Variants in PER1 observed in about 807,000 individuals in gnomAD.
PER1 encodes the protein period circadian protein homolog 1.
Under a neutral mutation model 125.9 loss-of-function variants are expected in PER1, and 87 were observed. The observed-to-expected ratio is 0.69, with a 90% CI of 0.58 to 0.83. The LOEUF (loss-of-function observed/expected upper bound fraction) is 0.83. Among genes scored for constraint, PER1 ranks in the 40% least tolerant of loss-of-function variants. The probability of loss-of-function intolerance (pLI) is 0.00; values close to 1 mark genes in which losing one functional copy is unlikely to be tolerated. For missense variants in PER1, 1,775 were observed against 1,722.8 expected, an observed-to-expected ratio of 1.03 and a Z score of -0.54; for synonymous variants, 801 against 714.7, an observed-to-expected ratio of 1.12 and a Z score of -1.93.
At position 8,141,219 on chromosome 17, in the gene PER1, C is replaced by T. The variant is rs35275025; in HGVS notation, c.3722G>A (p.Ser1241Asn). The T allele has an allele frequency of 3.1e-6, 5 of 1,614,230 alleles. No individual in the cohort carries two copies. In the East Asian group the frequency reaches 1.1e-4, roughly 36 times the overall value. Residue 1241 changes from serine (S) to asparagine (N), a missense_variant, in exon 23 of 23, where the codon AGC (serine) becomes AAC (asparagine). Physicochemically the swap from Ser to Asn is conservative, Grantham distance 46. Coordinates refer to ENST00000317276, the MANE Select transcript of PER1 (RefSeq NM_002616.3). Reference sequence around the variant, plus strand: ...CTCTCCCTCACCACTGCCGCCACCGCTGCTGCCCTGCTCGCCTCCACCCTC... The same window carrying T: ...CTCTCCCTCACCACTGCCGCCACCGTTGCTGCCCTGCTCGCCTCCACCCTC... The part of the protein sequence containing the change: ...MEEGGGEQGS[S>N]GGGSGEGEGC...
chr17:8,149,785 G>A lies in PER1; in HGVS notation c.621C>T (p.His207=), dbSNP rs1277702871. Residue 207 remains histidine (H), a synonymous_variant, in exon 5 of 23, where the codon CAC becomes CAT. Transcript: ENST00000317276. ...TCTGAAGTGTGTACTCAGACGTGATGTGCTCCAGCTCCTCCAGGGTATAGG... is the reference window on the plus strand; with the variant it reads ...TCTGAAGTGTGTACTCAGACGTGATATGCTCCAGCTCCTCCAGGGTATAGG... The part of the protein sequence containing the change: ...MSTYTLEELE[H]ITSEYTLQNQ... 1 of 1,613,386 alleles carries A rather than the reference G, an allele frequency of 6.2e-7. No individual in the cohort carries two copies. The highest frequency in any genetic ancestry group is 8.5e-7 in the Non-Finnish European group (1 of 1,180,012).
intron 2 of PER1, 55 bp downstream of exon 2, chr17:8,150,377 A>G: frequency 6.4e-7 from 1 of 1,561,148 alleles, no homozygotes; most frequent in East Asian, 2.3e-5. Context: ...CCTGTCACCC[A>G]GCTCTGCCTG....
At chr17:8,149,913 GC>G in intron 4 of PER1, 37 bp from the exon 5 acceptor site, 1 of 1,614,010 alleles carries the variant, frequency 6.2e-7, no homozygotes. Context: ...CAGTAAGGAG[GC>G]TGCCTCAACA....
chr17:8,150,141 G>A lies in PER1; in HGVS notation c.375-16C>T. ...CTGTTCACTGCTGCGGGGCCCACAG[G>A]GAAGAAAGAGATAAAGACATTAGTC... On this transcript the variant is annotated splice_polypyrimidine_tract_variant and intron_variant, in intron 3 of 22. Transcript: ENST00000317276. 1.9e-6 allele frequency: 3 copies of A among 1,612,930 alleles called. No individual in the cohort carries two copies. The highest frequency in any genetic ancestry group is 2.5e-6 in the Non-Finnish European group (3 of 1,179,002).
At position 8,150,076 on chromosome 17, in the gene PER1, G is replaced by C; in HGVS notation, c.424C>G (p.Leu142Val). The C allele has an allele frequency of 6.2e-7, 1 of 1,614,232 alleles. No homozygotes were observed. Among genetic ancestry groups the C allele is most frequent in the East Asian group, 2.2e-5 (1 of 44,888 alleles). The change falls in exon 4 of 23, where the codon CTT (leucine) becomes GTT (valine). Residue 142 changes from leucine (L) to valine (V), a missense_variant. Coordinates refer to ENST00000317276, the MANE Select transcript of PER1 (RefSeq NM_002616.3). ...GGCAGTCGAAGCTTGAGCTCTCGAA[G>C]TGCTGTCATGAGTTCCTTCTGAGTC... ...ARTQKELMTA[L>V]RELKLRLPPE...
At chr17:8,148,887 G>A (rs1257066808) in intron 7 of PER1, 101 bp from the exon 8 acceptor site, 13 of 1,361,370 alleles carry the variant, frequency 9.5e-6, no homozygotes, top group Non-Finnish European at 1.3e-5. Flanking sequence ...CTGGGGAGGG[G>A]GCAGGAGGAG....
intron 18 of PER1, 52 bp downstream of exon 18, chr17:8,144,699 T>A: frequency 3.3e-6 from 5 of 1,538,220 alleles, no homozygotes; most frequent in Non-Finnish European, 3.5e-6. Flanking sequence ...CCCCCAACAA[T>A]CCAGTCCTAG....
chr17:8,143,849 C>A lies in PER1; in HGVS notation c.2489G>T (p.Ser830Ile), dbSNP rs2151859664. The A allele has an allele frequency of 6.2e-7, 1 of 1,610,082 alleles. No homozygotes were observed. Among genetic ancestry groups the A allele is most frequent in the Non-Finnish European group, 8.5e-7 (1 of 1,178,360 alleles). The change falls in exon 19 of 23, where the codon AGC becomes ATC. Residue 830 changes from serine (S) to isoleucine (I), a missense_variant. Physicochemically the swap from Ser to Ile is moderately radical, Grantham distance 142. Transcript: ENST00000317276. ...RGCHHGPAPP[S>I]RRHHCRSKAK... ...TTTGGATCGGCAGTGGTGTCGGCGG[C>A]TTGGGGGTGCGGGGCCGTGGTGGCA...
chr17:8,146,054 G>C lies in PER1; in HGVS notation c.2122C>G (p.Leu708Val). ...ACCACACTCTCCGCCTTATTGGCCA[G>C]GGCGAGCGGGCTCAGGGTGCCTCCC... The part of the protein sequence containing the change: ...VVGGTLSPLA[L>V]ANKAESVVSV... Residue 708 changes from leucine (L) to valine (V), a missense_variant, in exon 17 of 23, where the codon CTG (leucine) becomes GTG (valine). Physicochemically the swap from Leu to Val is conservative, Grantham distance 32. Coordinates refer to ENST00000317276, the MANE Select transcript of PER1 (RefSeq NM_002616.3). 1 of 1,614,004 alleles carries C rather than the reference G, an allele frequency of 6.2e-7. No individual in the cohort carries two copies. The highest frequency in any genetic ancestry group is 8.5e-7 in the Non-Finnish European group (1 of 1,179,984).
At chr17:8,150,186 C>T in intron 3 of PER1, 33 bp downstream of exon 3, 1 of 1,600,308 alleles carries the variant, frequency 6.2e-7, no homozygotes, top group East Asian at 2.2e-5. Context: ...GGCCTGGGCC[C>T]CCAGACCTCT....
chr17:8,147,512 A>G lies in PER1; in HGVS notation c.1455T>C (p.Asp485=), dbSNP rs1283769167. 2.5e-6 allele frequency: 4 copies of G among 1,613,800 alleles called. No homozygotes were observed. In the East Asian group the frequency reaches 8.9e-5, roughly 36 times the overall value. ...GGATCTGCTCTGACAGCTCCTGGAT[A>G]TCAGTGTCCAGGGAGGGAGCTGGGC... ...APSPAPSLDT[D]IQELSEQIHR... is the part of the protein sequence containing the mutation. The change falls in exon 12 of 23, where the codon GAT becomes GAC. Residue 485 remains aspartate, a synonymous_variant. Coordinates refer to ENST00000317276, the MANE Select transcript of PER1 (RefSeq NM_002616.3).
At chr17:8,151,711 G>A (rs1034909364) in intron 1 of PER1, among the ~76,000 whole-genome samples, 3 of 152,098 alleles carry the variant, frequency 2.0e-5, no homozygotes, top group East Asian at 1.9e-4. Flanking sequence ...CCATCGTCAA[G>A]GACCCGAGGA....
intron 17 of PER1, 23 bp downstream of exon 17, chr17:8,145,935 G>A: frequency 6.4e-7 from 1 of 1,571,016 alleles, no homozygotes; most frequent in East Asian, 2.3e-5. Flanking sequence ...CCCAAGCACT[G>A]CCCCCCAATT....
chr17:8,149,239 C>A lies in PER1; in HGVS notation c.905+20G>T. The A allele has an allele frequency of 6.2e-7, 1 of 1,607,058 alleles. No individual in the cohort carries two copies. Among genetic ancestry groups the A allele is most frequent in the Non-Finnish European group, 8.5e-7 (1 of 1,174,738 alleles). ...AAAAAAAAAAGGAGGCAGAGGTCTT[C>A]TCCAGTTCCCCTCACCTACCTGATA... On this transcript the variant is annotated intron_variant, in intron 7 of 22. Coordinates refer to ENST00000317276, the MANE Select transcript of PER1 (RefSeq NM_002616.3).
In PER1 at chr17:8,149,827, G is replaced by C. The variant is rs1423341488; in HGVS notation, c.579C>G (p.Cys193Trp). 1.2e-6 allele frequency: 2 copies of C among 1,613,888 alleles called. No homozygotes were observed. The highest frequency in any genetic ancestry group is 4.5e-5 in the East Asian group (2 of 44,890). ...QQWSLEEGEP[C>W]SMDMSTYTLE... The stretch of plus-strand genomic sequence containing the variant: ...GGGTATAGGTGGACATGTCCATGGA[G>C]CAAGGCTCGCCCTCCTCCAGGCTCC... The change falls in exon 5 of 23, where the codon TGC (cysteine) becomes TGG (tryptophan). Residue 193 changes from cysteine (C) to tryptophan (W), a missense_variant. Cys to Trp is a radical substitution (Grantham distance 215). Coordinates refer to ENST00000317276, the MANE Select transcript of PER1 (RefSeq NM_002616.3).
At chr17:8,145,908 C>G in intron 17 of PER1, 50 bp downstream of exon 17, 2 of 1,538,328 alleles carry the variant, frequency 1.3e-6, no homozygotes, top group South Asian at 1.3e-5. Flanking sequence ...GGAGCTCTAG[C>G]TGGGAGACCG....
Position 8,142,635 on chromosome 17 carries a change from G to A in PER1, c.3259+14C>T, listed in dbSNP as rs750889113. On this transcript the variant is annotated intron_variant, in intron 20 of 22. Transcript: ENST00000317276. Reference sequence around the variant, plus strand: ...CTGCCCTACCCTGGGAGATGCTGGAGGCGGGGTACTCACGAGTGATGCTGG... The same window carrying A: ...CTGCCCTACCCTGGGAGATGCTGGAAGCGGGGTACTCACGAGTGATGCTGG... 4 of 1,612,932 alleles carry A rather than the reference G, an allele frequency of 2.5e-6. No individual in the cohort carries two copies. Among genetic ancestry groups the A allele is most frequent in the Non-Finnish European group, 3.4e-6 (4 of 1,179,206 alleles).
Position 8,149,794 on chromosome 17 carries a change from C to T in PER1, c.612G>A (p.Glu204=), listed in dbSNP as rs140931931. Residue 204 remains glutamate (E), a synonymous_variant, in exon 5 of 23, where the codon GAG becomes GAA. Coordinates refer to ENST00000317276, the MANE Select transcript of PER1 (RefSeq NM_002616.3). The part of the protein sequence containing the change: ...SMDMSTYTLE[E]LEHITSEYTL... ...TGTACTCAGACGTGATGTGCTCCAG[C>T]TCCTCCAGGGTATAGGTGGACATGT... The T allele has an allele frequency of 1.2e-6, 2 of 1,613,438 alleles. No homozygotes were observed. The highest frequency in any genetic ancestry group is 2.7e-5 in the African/African-American group (2 of 74,928).
rs778285983 is a variant in PER1 at position 8,147,342 on chromosome 17, C to T, written c.1537G>A (p.Gly513Ser). The T allele has an allele frequency of 1.9e-5, 31 of 1,613,546 alleles. No individual in the cohort carries two copies. The highest frequency in any genetic ancestry group is 1.7e-4 in the African/African-American group (13 of 74,870). Residue 513 changes from glycine (G) to serine (S), a missense_variant, in exon 13 of 23, where the codon GGC (glycine) becomes AGC (serine). Coordinates refer to ENST00000317276, the MANE Select transcript of PER1 (RefSeq NM_002616.3). Reference sequence around the variant, plus strand: ...AGAGGGCCTGGGGATGTCACGGCGCCGACTCCACAGAGTCCCGTGGGGCTG... The same window carrying T: ...AGAGGGCCTGGGGATGTCACGGCGCTGACTCCACAGAGTCCCGTGGGGCTG... ...SPSPTGLCGV[G>S]AVTSPGPLHS...
Sources: allele counts gnomAD v4.1 joint callset (sites outside exome capture counted in the v4.1 genomes callset), GRCh38; gene constraint gnomAD v4.1.1; transcripts MANE v1.5; gene names NCBI Gene and HGNC (gene_info 2026-07-23, HGNC 2026-07-21).